Variants in BABAM2 observed in about 807,000 individuals in gnomAD.
BABAM2 encodes the protein BRISC and BRCA1 A complex member 2, also known as BRISC and BRCA1-A complex member 2.
BABAM2 carries 31 observed loss-of-function variants against 54.7 expected under a neutral mutation model. The ratio of observed to expected loss-of-function variants is 0.57; its 90% CI spans 0.43 to 0.77. BABAM2 has a LOEUF of 0.77. Among genes scored for constraint, BABAM2 ranks in the 30% least tolerant of loss-of-function variants. The probability of loss-of-function intolerance (pLI) is 0.00; values close to 1 mark genes in which losing one functional copy is unlikely to be tolerated. For synonymous variants in BABAM2, 167 were observed against 162.9 expected, an observed-to-expected ratio of 1.03 and a Z score of -0.19; for missense variants, 364 against 455.8, an observed-to-expected ratio of 0.80 and a Z score of 1.83.
At chr2:28,106,349 G>T (rs947881440) in intron 6 of BABAM2, among the ~76,000 whole-genome samples, 1 of 152,152 alleles carries the variant, frequency 6.6e-6, no homozygotes, top group Non-Finnish European at 1.5e-5. Context: ...TTGAACTCCT[G>T]AGCTCAAGCG....
chr2:28,002,881 C>T (rs147666447), intron 4 of BABAM2, among the ~76,000 whole-genome samples: 94 of 152,230 alleles, frequency 6.2e-4, no homozygotes, highest in African/African-American at 2.2e-3. Context: ...CATTAGCAAA[C>T]CTTTGCTAAT....
chr2:27,890,557 C>G, upstream of BABAM2: 1 of 559,166 alleles, frequency 1.8e-6, no homozygotes, highest in South Asian at 2.1e-5. This position sits in a 1 kb window ranked among gnomAD's most constrained non-coding sequence, Gnocchi z 4.8. Context: ...GTAACAGGGC[C>G]CTCCTGATAT....
Position 28,181,793 on chromosome 2 carries a change from T to TA in BABAM2, c.680+52413_680+52414insA, listed in dbSNP as rs200624531. On this transcript the variant is annotated intron_variant, in intron 7 of 11. Transcript: ENST00000379624. ...AATATGCACCAATAAAATTTTTTTT[T>TA]TAAAAAAAAAAGACAAAATAAAGCA... is the stretch of plus-strand genomic sequence containing the variant. Among the ~76,000 whole-genome samples the TA allele has an allele frequency of 1.3e-3, 191 of 148,836 alleles. 4 individuals carry two copies. In the East Asian group the frequency reaches 0.023, roughly 18 times the overall value.
rs565952135 is a variant in BABAM2 at position 28,230,990 on chromosome 2, A to G, written c.681-6212A>G. 3.9e-5 allele frequency among the ~76,000 whole-genome samples: 6 copies of G among 152,290 alleles called. No homozygotes were observed. In the South Asian group the frequency reaches 1.2e-3, roughly 32 times the overall value. On this transcript the variant is annotated intron_variant, in intron 7 of 11. Transcript: ENST00000379624. ...ATTAGACTTTTAAAAATTCTACTTC[A>G]TCTTTCTGTGAAAGAATTCCTAATG...
intron 7 of BABAM2, among the ~76,000 whole-genome samples, chr2:28,156,974 T>C (rs1672599232): frequency 6.6e-6 from 1 of 152,240 alleles, no homozygotes; most frequent in Non-Finnish European, 1.5e-5. Context: ...TAAAGTGAAT[T>C]ACATATTTCT....
Position 27,934,486 on chromosome 2 carries a change from C to A in BABAM2, c.205+4578C>A, listed in dbSNP as rs542512600. 1.5e-4 allele frequency among the ~76,000 whole-genome samples: 23 copies of A among 152,238 alleles called. No individual in the cohort carries two copies. The South Asian group carries it at 3.3e-3, about 22-fold the overall frequency. On this transcript the variant is annotated intron_variant, in intron 3 of 11. Coordinates refer to ENST00000379624, the MANE Select transcript of BABAM2 (RefSeq NM_199191.3). ...AGACACAGCAGTATTGAAATTAGGC[C>A]AGTTAGTAACCTTGCAGTGTCCTCT...
intron 4 of BABAM2, among the ~76,000 whole-genome samples, chr2:27,999,661 G>A (rs192479836): frequency 6.6e-6 from 1 of 152,238 alleles, no homozygotes; most frequent in East Asian, 1.9e-4. Flanking sequence ...CATGATTTGA[G>A]GATAATATTT....
chr2:28,010,412 G>T (rs1674302246), intron 4 of BABAM2, among the ~76,000 whole-genome samples: 1 of 151,902 alleles, frequency 6.6e-6, no homozygotes, highest in Non-Finnish European at 1.5e-5. Context: ...AGATTTTTCT[G>T]CAGATAAATG....
Position 27,997,288 on chromosome 2 carries a change from C to T in BABAM2, c.300+9201C>T, listed in dbSNP as rs923138405. 4.0e-5 allele frequency among the ~76,000 whole-genome samples: 6 copies of T among 151,170 alleles called. No homozygotes were observed. In the South Asian group the frequency reaches 1.3e-3, roughly 32 times the overall value. On this transcript the variant is annotated intron_variant, in intron 4 of 11. Coordinates refer to ENST00000379624, the MANE Select transcript of BABAM2 (RefSeq NM_199191.3). ...GAGTTGTAATCAAAGGATGCATCAT[C>T]AGTAAATGACCCAAGAGAATATGAG... is the stretch of plus-strand genomic sequence containing the variant.
At chr2:27,935,823 C>A (rs1668444845) in intron 3 of BABAM2, among the ~76,000 whole-genome samples, 1 of 152,206 alleles carries the variant, frequency 6.6e-6, no homozygotes, top group African/African-American at 2.4e-5. Context: ...AAGGCAGGAC[C>A]CTGCAGTAGC....
At chr2:28,156,351 T>G (rs1233194107) in intron 7 of BABAM2, among the ~76,000 whole-genome samples, 1 of 152,182 alleles carries the variant, frequency 6.6e-6, no homozygotes, top group Non-Finnish European at 1.5e-5. Context: ...TTTAAATTAA[T>G]TGTCTGCCTT....
chr2:27,942,110 C>G (rs1668933726), intron 3 of BABAM2, among the ~76,000 whole-genome samples: 1 of 152,134 alleles, frequency 6.6e-6, no homozygotes, highest in Admixed American at 6.5e-5. Context: ...TTTGTTCTAG[C>G]TAATCAGCTT....
At chr2:28,007,795 A>G (rs1421416310) in intron 4 of BABAM2, among the ~76,000 whole-genome samples, 1 of 152,138 alleles carries the variant, frequency 6.6e-6, no homozygotes, top group Non-Finnish European at 1.5e-5. Context: ...TGTTTTTCAG[A>G]TTGTTCAAAC....
chr2:27,963,053 A>G (rs1558621689), intron 3 of BABAM2, among the ~76,000 whole-genome samples: 1 of 152,228 alleles, frequency 6.6e-6, no homozygotes, highest in Non-Finnish European at 1.5e-5. Context: ...AATTCCTTTT[A>G]TAGTGTTGAT....
intron 4 of BABAM2, among the ~76,000 whole-genome samples, chr2:28,012,971 G>T (rs979162884): frequency 3.3e-5 from 5 of 152,098 alleles, no homozygotes; most frequent in Non-Finnish European, 7.4e-5. Flanking sequence ...ACACAAGTTG[G>T]AATTAAGCTG....
At chr2:28,309,770 C>G (rs1407197958) in intron 11 of BABAM2, among the ~76,000 whole-genome samples, 2 of 152,218 alleles carry the variant, frequency 1.3e-5, no homozygotes, top group Non-Finnish European at 2.9e-5. Flanking sequence ...CCAACCTCAT[C>G]TCAGCTGAAC....
chr2:28,225,848 G>A (rs774021434), intron 7 of BABAM2, among the ~76,000 whole-genome samples: 18 of 151,716 alleles, frequency 1.2e-4, no homozygotes, highest in Non-Finnish European at 1.9e-4. Flanking sequence ...TGACCAAAGG[G>A]CCTCTTTTCA....
At chr2:28,278,481 A>C (rs1485714844) in intron 10 of BABAM2, among the ~76,000 whole-genome samples, 1 of 152,234 alleles carries the variant, frequency 6.6e-6, no homozygotes, top group Non-Finnish European at 1.5e-5. Context: ...AGATTACTGT[A>C]TAACTCCTAG....
intron 6 of BABAM2, among the ~76,000 whole-genome samples, chr2:28,102,524 T>G (rs1667173709): frequency 1.3e-5 from 2 of 152,212 alleles, no homozygotes; most frequent in Non-Finnish European, 2.9e-5. Context: ...ATTCTCCAGA[T>G]CCAAGAGGAA....
Sources: allele counts gnomAD v4.1 joint callset (sites outside exome capture counted in the v4.1 genomes callset), GRCh38; gene constraint gnomAD v4.1.1; non-coding constraint Gnocchi (gnomAD v3.1); transcripts MANE v1.5; gene names NCBI Gene and HGNC (gene_info 2026-07-23, HGNC 2026-07-21).